WSB2: variants seen among roughly 807,000 people sequenced by gnomAD.
WSB2 encodes the protein WD repeat and SOCS box containing 2.
Under a neutral mutation model 48.8 loss-of-function variants are expected in WSB2, and 12 were observed. The observed-to-expected ratio is 0.25, with a 90% CI of 0.16 to 0.40. The LOEUF is 0.40. Among genes scored for constraint, WSB2 ranks in the 10% least tolerant of loss-of-function variants. WSB2 has a pLI of 1.00. For missense variants in WSB2, 317 were observed against 506.2 expected (o/e 0.63, Z 3.59); for synonymous variants, 191 against 203.1 (o/e 0.94, Z 0.51).
rs1316041385 is a variant in WSB2 at position 118,061,068 on chromosome 12, C to CGCGGCAG, written c.-27_-21dup. 15 of 983,494 alleles carry CGCGGCAG rather than the reference C, an allele frequency of 1.5e-5. No homozygotes were observed. The highest frequency in any genetic ancestry group is 8.8e-5 in the African/African-American group (5 of 56,524). 60.9% of individuals were successfully genotyped at this position (983,494 alleles called of 1,614,324 possible). ...CTCCATGGAGGACGCGAGCGGCCCCCGCGGCAGGCGGCGGGCGCCTCAGCC... is the reference window on the plus strand; with the variant it reads ...CTCCATGGAGGACGCGAGCGGCCCCCGCGGCAGGCGGCAGGCGGCGGGCGCCTCAGCC... On this transcript the variant is annotated 5_prime_UTR_variant, in exon 1 of 9. Transcript: ENST00000315436.
At position 118,033,023 on chromosome 12, in the gene WSB2, A is replaced by G. The variant is rs1593459239; in HGVS notation, c.*1173T>C. 1 of 152,242 alleles carries G rather than the reference A, an allele frequency of 6.6e-6. No homozygotes were observed. Among genetic ancestry groups the G allele is most frequent in the African/African-American group, 2.4e-5 (1 of 41,470 alleles). The allele number at this position is 152,242 out of a possible 1,614,324, so 9.4% of individuals were successfully genotyped here. ...AATTCCTCAACTTTCTCAACGAGTCATGTAACGTTACACTGGCCTCCATAA... is the reference window on the plus strand; with the variant it reads ...AATTCCTCAACTTTCTCAACGAGTCGTGTAACGTTACACTGGCCTCCATAA... On this transcript the variant is annotated 3_prime_UTR_variant, in exon 9 of 9. Transcript: ENST00000315436.
chr12:118,040,924 C>T (rs1349222012), intron 4 of WSB2, among the ~76,000 whole-genome samples: 2 of 152,268 alleles, frequency 1.3e-5, no homozygotes, highest in Non-Finnish European at 2.9e-5. Flanking sequence ...TGGCTTACGC[C>T]TGTAGTCCCA....
chr12:118,044,155 C>A (rs763690791), intron 2 of WSB2, among the ~76,000 whole-genome samples: 1 of 152,080 alleles, frequency 6.6e-6, no homozygotes, highest in South Asian at 2.1e-4. Context: ...ACAGGCTATA[C>A]TGGCCATGGC....
Position 118,043,299 on chromosome 12 carries a change from C to G in WSB2, c.261G>C (p.Thr87=). The G allele has an allele frequency of 6.2e-7, 1 of 1,613,528 alleles. No individual in the cohort carries two copies. The highest frequency in any genetic ancestry group is 1.1e-5 in the South Asian group (1 of 91,038). ...CCCAGACAATCTGACCACAGTCCAG[C>G]GTCTTCTCTTTTGGGCTGCCCCGCC... ...TKGRGSPKEK[T]LDCGQIVWGL... is the part of the protein sequence containing the mutation. The change falls in exon 3 of 9, where the codon ACG becomes ACC. Residue 87 remains threonine (T), a synonymous_variant. Transcript: ENST00000315436.
intron 4 of WSB2, among the ~76,000 whole-genome samples, chr12:118,039,003 G>A (rs2031572042): frequency 6.6e-6 from 1 of 152,146 alleles, no homozygotes; most frequent in South Asian, 2.1e-4. Context: ...TGATAGCAGA[G>A]AATGTTCTTT....
chr12:118,048,284 T>A (rs2031783375), intron 2 of WSB2, among the ~76,000 whole-genome samples: 1 of 151,792 alleles, frequency 6.6e-6, no homozygotes, highest in South Asian at 2.1e-4. Flanking sequence ...CTCAGAATAC[T>A]GTTCTTCAAA....
intron 8 of WSB2, chr12:118,034,620 C>CAGTT: frequency 8.3e-6 from 4 of 479,394 alleles, no homozygotes; most frequent in Non-Finnish European, 1.5e-5. Flanking sequence ...AATCTGACCA[C>CAGTT]AGTTAGTTCA....
intron 5 of WSB2, 141 bp downstream of exon 5, chr12:118,038,147 T>C (rs1378681210): frequency 1.5e-6 from 1 of 647,296 alleles, no homozygotes; most frequent in East Asian, 3.0e-5. Context: ...AAGGGACTTT[T>C]GCAGGTGGTG....
intron 2 of WSB2, among the ~76,000 whole-genome samples, chr12:118,047,989 T>C (rs1466824313): frequency 6.6e-6 from 1 of 152,146 alleles, no homozygotes; most frequent in Non-Finnish European, 1.5e-5. Flanking sequence ...TGGCCTGGTA[T>C]GATCAGAGCT....
intron 1 of WSB2, among the ~76,000 whole-genome samples, chr12:118,056,393 T>C (rs2031957901): frequency 6.6e-6 from 1 of 152,116 alleles, no homozygotes; most frequent in South Asian, 2.1e-4. Flanking sequence ...TTCTGACCCC[T>C]AGTCAATCTC....
At chr12:118,042,420 A>G (rs1336461732) in intron 4 of WSB2, 8 of 178,042 alleles carry the variant, frequency 4.5e-5, no homozygotes, top group Non-Finnish European at 9.6e-5. Context: ...AGGGTTATCC[A>G]GCCCAAAATA....
At chr12:118,054,689 AT>A (rs1404573283) in intron 1 of WSB2, among the ~76,000 whole-genome samples, 1,717 of 110,004 alleles carry the variant, frequency 0.016, 26 homozygotes, top group East Asian at 0.066. Context: ...AAAAATAATA[AT>A]AATAATAATA....
At chr12:118,056,870 C>T (rs1349087174) in intron 1 of WSB2, among the ~76,000 whole-genome samples, 1 of 152,098 alleles carries the variant, frequency 6.6e-6, no homozygotes, top group Non-Finnish European at 1.5e-5. Flanking sequence ...CACTGTACTC[C>T]AGCCTGGGTG....
In WSB2 at chr12:118,034,574, G is replaced by GCTCTCTCT. The variant is rs368693869; in HGVS notation, c.1053-224_1053-217dup. On this transcript the variant is annotated intron_variant, in intron 8 of 8. Coordinates refer to ENST00000315436, the MANE Select transcript of WSB2 (RefSeq NM_018639.5). ...CTCAAGACACCTGTGATACCAAAGCGCTCTCTCTGTCTCTCTCTCGGCACA... is the reference window on the plus strand; with the variant it reads ...CTCAAGACACCTGTGATACCAAAGCGCTCTCTCTCTCTCTCTGTCTCTCTCTCGGCACA... 2,953 of 529,452 alleles carry GCTCTCTCT rather than the reference G, an allele frequency of 5.6e-3. 60 individuals are homozygous for GCTCTCTCT. Among genetic ancestry groups the GCTCTCTCT allele is most frequent in the African/African-American group, 0.051 (2,664 of 51,814 alleles). The allele number at this position is 529,452 out of a possible 1,614,324, so 32.8% of individuals were successfully genotyped here.
At chr12:118,042,528 A>C (rs2031657669) in intron 4 of WSB2, 1 of 257,076 alleles carries the variant, frequency 3.9e-6, no homozygotes, top group African/African-American at 2.3e-5. Context: ...TAGCCAAAAA[A>C]ATCTTAACAT....
chr12:118,040,438 C>A (rs12302795), intron 4 of WSB2, among the ~76,000 whole-genome samples: 1 of 151,704 alleles, frequency 6.6e-6, no homozygotes, highest in Non-Finnish European at 1.5e-5. Context: ...GGCAAGCTGC[C>A]TCAGTACACA....
At chr12:118,055,607 CTT>C (rs748354611) in intron 1 of WSB2, among the ~76,000 whole-genome samples, 8,695 of 79,728 alleles carry the variant, frequency 0.11, 48 homozygotes, top group African/African-American at 0.12. Context: ...CTACATTATC[CTT>C]TTTTTTTTTT....
chr12:118,042,175 G>A (rs535968488), intron 4 of WSB2, among the ~76,000 whole-genome samples: 12 of 152,184 alleles, frequency 7.9e-5, no homozygotes, highest in Non-Finnish European at 1.2e-4. Flanking sequence ...CCCATAGCCT[G>A]AGAGAATTAT....
In WSB2 at chr12:118,038,987, G is replaced by A. The variant is rs558383149; in HGVS notation, c.560-599C>T. On this transcript the variant is annotated intron_variant, in intron 4 of 8. Coordinates refer to ENST00000315436, the MANE Select transcript of WSB2 (RefSeq NM_018639.5). ...TCCTCATAGGAAACCATATCAAAGG[G>A]ACCTTTGATAGCAGAGAATGTTCTT... Among the ~76,000 whole-genome samples, 5 of 152,238 alleles carry A rather than the reference G, an allele frequency of 3.3e-5. No individual in the cohort carries two copies. In the East Asian group the frequency reaches 7.7e-4, roughly 23 times the overall value.
Sources: allele counts gnomAD v4.1 joint callset (sites outside exome capture counted in the v4.1 genomes callset), GRCh38; gene constraint gnomAD v4.1.1; transcripts MANE v1.5; gene names NCBI Gene and HGNC (gene_info 2026-07-23, HGNC 2026-07-21).